The following AFAP1 variants were observed in gnomAD, a reference collection of about 807,000 sequenced individuals.
AFAP1 encodes the protein actin filament-associated protein 1.
A neutral mutation model predicts 93.9 loss-of-function variants in AFAP1; 75 were observed. That is an observed-to-expected ratio of 0.80 (90% confidence interval 0.66 to 0.97). The LOEUF is 0.97. AFAP1 is among the 50% of genes least tolerant of loss of function. AFAP1 has a pLI of 0.00. For synonymous variants in AFAP1, 517 were observed against 430.7 expected, an observed-to-expected ratio of 1.20 and a Z score of -2.48; for missense variants, 1,201 against 1,050.8, an observed-to-expected ratio of 1.14 and a Z score of -1.98.
intron 6 of AFAP1, among the ~76,000 whole-genome samples, chr4:7,825,318 T>C (rs1721327502): frequency 1.3e-5 from 2 of 152,182 alleles, no homozygotes; most frequent in African/African-American, 4.8e-5. Context: ...CAGGGGTTGT[T>C]CCTTTTATGC....
chr4:7,936,342 T>TTTTTTTTTTTTTTTTTTTTTTG (rs1560245240), intron 1 of AFAP1, among the ~76,000 whole-genome samples: 3 of 152,028 alleles, frequency 2.0e-5, no homozygotes, highest in African/African-American at 7.3e-5. Flanking sequence ...TTTTATTTTT[T>TTTTTTTTTTTTTTTTTTTTTTG]ACAGAAAGGG....
chr4:7,786,391 CTTT>C lies in AFAP1; in HGVS notation c.1413-83_1413-81del, dbSNP rs1430595728. 7 of 1,191,920 alleles carry C rather than the reference CTTT, an allele frequency of 5.9e-6. No individual in the cohort carries two copies. The African/African-American group carries it at 1.1e-4, about 18-fold the overall frequency. 73.8% of individuals were successfully genotyped at this position (1,191,920 alleles called of 1,614,324 possible). A position where few individuals can be genotyped will look rare whatever the true frequency, so the allele number is the denominator to read the frequency against. ...CAGTCAAGTCTTTAATGAGTTCTGA[CTTT>C]ATGCCCAAGGCTATGTCAGAGGTCA... is the stretch of plus-strand genomic sequence containing the variant. On this transcript the variant is annotated intron_variant, in intron 11 of 17. Transcript: ENST00000420658.
intron 4 of AFAP1, among the ~76,000 whole-genome samples, chr4:7,849,900 TCA>T (rs1714241201): frequency 6.6e-6 from 1 of 151,728 alleles, no homozygotes; most frequent in Admixed American, 6.6e-5. Flanking sequence ...TCCTTCTGCA[TCA>T]CAGATTCTCC....
chr4:7,795,458 C>T (rs1718323887), intron 10 of AFAP1, among the ~76,000 whole-genome samples: 1 of 106,402 alleles, frequency 9.4e-6, no homozygotes, highest in Admixed American at 1.3e-4. Flanking sequence ...CAGAGTCTTG[C>T]TCTGTCACTC....
chr4:7,890,698 T>C (rs56411722), intron 1 of AFAP1, among the ~76,000 whole-genome samples: 48,034 of 152,044 alleles, frequency 0.32, 9,274 homozygotes, highest in Non-Finnish European at 0.44. Context: ...AATATGCTAA[T>C]ATCATGAGTC....
At chr4:7,920,480 C>A (rs891647908) in intron 1 of AFAP1, among the ~76,000 whole-genome samples, 1 of 152,102 alleles carries the variant, frequency 6.6e-6, no homozygotes, top group Non-Finnish European at 1.5e-5. Context: ...AAACTAGTGG[C>A]CTTATGGGCA....
At chr4:7,890,004 T>TAAAAAAAAAA (rs543991662) in intron 1 of AFAP1, among the ~76,000 whole-genome samples, 1 of 100,356 alleles carries the variant, frequency 1.0e-5, no homozygotes, top group Non-Finnish European at 1.9e-5. Flanking sequence ...CAATTTTTGT[T>TAAAAAAAAAA]AAAAAAAAAA....
At chr4:7,774,696 A>C in intron 15 of AFAP1, 43 bp downstream of exon 15, 1 of 1,598,534 alleles carries the variant, frequency 6.3e-7, no homozygotes, top group Non-Finnish European at 8.5e-7. Flanking sequence ...TCCAGTCTCT[A>C]ATACAAACAT....
chr4:7,936,550 T>G (rs1721392775), intron 1 of AFAP1, among the ~76,000 whole-genome samples: 1 of 151,040 alleles, frequency 6.6e-6, no homozygotes, highest in Non-Finnish European at 1.5e-5. Flanking sequence ...TATAGGTCAT[T>G]CAACATGTGA....
chr4:7,766,333 C>G (rs552432808), intron 17 of AFAP1, among the ~76,000 whole-genome samples: 1 of 152,208 alleles, frequency 6.6e-6, no homozygotes, highest in Non-Finnish European at 1.5e-5. Context: ...GGGCAGTCCT[C>G]TGTTGTACAG....
At chr4:7,792,078 T>C (rs752958138) in intron 11 of AFAP1, among the ~76,000 whole-genome samples, 17 of 152,178 alleles carry the variant, frequency 1.1e-4, no homozygotes, top group Non-Finnish European at 1.8e-4. Flanking sequence ...GGTTGAAGTA[T>C]GTGAAGAAAA....
rs1245859409 is a variant in AFAP1 at position 7,769,018 on chromosome 4, G to C, written c.2254-10C>G. On this transcript the variant is annotated splice_polypyrimidine_tract_variant and intron_variant, in intron 16 of 17. Transcript: ENST00000420658. ...GCCGGAACACTGGAGACTTAACGGA[G>C]AGAGAGAACCCCATGTGATGAGCGG... is the stretch of plus-strand genomic sequence containing the variant. The C allele has an allele frequency of 1.3e-6, 2 of 1,598,806 alleles. No homozygotes were observed. The highest frequency in any genetic ancestry group is 1.1e-5 in the South Asian group (1 of 89,962).
Position 7,939,836 on chromosome 4 carries a change from G to T in AFAP1, c.-183C>A, listed in dbSNP as rs1577377313. The stretch of plus-strand genomic sequence containing the variant: ...CGGCTCGGCTCGCGGAGCTGCAGCC[G>T]GCGTGGGGCTGCGGCCGGGACAGAC... On this transcript the variant is annotated 5_prime_UTR_variant, in exon 1 of 18. Transcript: ENST00000420658. This position sits in a 1 kb window ranked among gnomAD's most constrained non-coding sequence, Gnocchi z 5.6. 1 of 280,040 alleles carries T rather than the reference G, an allele frequency of 3.6e-6. No homozygotes were observed. The highest frequency in any genetic ancestry group is 6.8e-6 in the Non-Finnish European group (1 of 146,202). 17.3% of individuals were successfully genotyped at this position (280,040 alleles called of 1,614,324 possible).
intron 3 of AFAP1, among the ~76,000 whole-genome samples, chr4:7,865,891 T>G (rs757497906): frequency 5.3e-5 from 8 of 151,680 alleles, no homozygotes; most frequent in Non-Finnish European, 1.0e-4. Context: ...TCTGTGGTCT[T>G]GTTTTGTTTT....
At chr4:7,781,339 A>G (rs1385828268) in intron 13 of AFAP1, 37 bp downstream of exon 13, 3 of 1,545,030 alleles carry the variant, frequency 1.9e-6, no homozygotes, top group Non-Finnish European at 2.6e-6. Flanking sequence ...TGTGACTTGA[A>G]GGTGGTTCTA....
intron 6 of AFAP1, among the ~76,000 whole-genome samples, chr4:7,834,128 C>CACACACATACACAT: frequency 8.4e-6 from 1 of 119,426 alleles, no homozygotes; most frequent in South Asian, 2.2e-4. Context: ...CACACACACA[C>CACACACATACACAT]ATATATACAA....
Position 7,939,118 on chromosome 4 carries a change from T to G in AFAP1, c.-3+538A>C, listed in dbSNP as rs1560246932. 1.0e-4 allele frequency: 15 copies of G among 144,662 alleles called. No homozygotes were observed. Among genetic ancestry groups the G allele is most frequent in the East Asian group, 5.2e-4 (2 of 3,812 alleles). 9.0% of individuals were successfully genotyped at this position (144,662 alleles called of 1,614,324 possible). ...GCAGGGCGGCCGGGACCCACGCGCG[T>G]GGGTCCACGCAACAACCTATAGGTG... On this transcript the variant is annotated intron_variant, in intron 1 of 17. Coordinates refer to ENST00000420658, the MANE Select transcript of AFAP1 (RefSeq NM_001134647.2). This position sits in a 1 kb window ranked among gnomAD's most constrained non-coding sequence, Gnocchi z 5.6.
intron 11 of AFAP1, among the ~76,000 whole-genome samples, chr4:7,789,814 C>T (rs1276388724): frequency 6.6e-6 from 1 of 152,220 alleles, no homozygotes; most frequent in South Asian, 2.1e-4. Flanking sequence ...CTTCATCCTC[C>T]CAACTGCTTC....
intron 3 of AFAP1, among the ~76,000 whole-genome samples, chr4:7,861,333 AG>A (rs1266844918): frequency 6.6e-6 from 1 of 152,250 alleles, no homozygotes; most frequent in African/African-American, 2.4e-5. Flanking sequence ...GCTCATCTGC[AG>A]GAAGGAATCC....
Sources: allele counts gnomAD v4.1 joint callset (sites outside exome capture counted in the v4.1 genomes callset), GRCh38; gene constraint gnomAD v4.1.1; non-coding constraint Gnocchi (gnomAD v3.1); transcripts MANE v1.5; gene names NCBI Gene and HGNC (gene_info 2026-07-23, HGNC 2026-07-21).